Variants in CROCC2 observed in about 807,000 individuals in gnomAD.
The protein encoded by CROCC2 is ciliary rootlet coiled-coil protein 2.
A neutral mutation model predicts 177.6 loss-of-function variants in CROCC2; 163 were observed. The ratio of observed to expected loss-of-function variants is 0.92; its 90% CI spans 0.81 to 1.05. The LOEUF is 1.05. Among genes scored for constraint, CROCC2 ranks in the 50% least tolerant of loss-of-function variants. The pLI is 0.00. For missense variants in CROCC2, 1,929 were observed against 1,797.8 expected, an observed-to-expected ratio of 1.07 and a Z score of -1.32; for synonymous variants, 904 against 787.3, an observed-to-expected ratio of 1.15 and a Z score of -2.48.
chr2:240,913,869 G>C (rs557696184), intron 1 of CROCC2, among the ~76,000 whole-genome samples: 13 of 152,384 alleles, frequency 8.5e-5, no homozygotes, highest in African/African-American at 3.1e-4. Flanking sequence ...GGCGGGCCGG[G>C]CTGCGGAAGG....
intron 28 of CROCC2, chr2:240,983,552 G>C (rs933616053): frequency 7.8e-7 from 1 of 1,273,922 alleles, no homozygotes; most frequent in African/African-American, 1.6e-5. Flanking sequence ...GGGGGAGCTC[G>C]CGGCGCTGCG....
chr2:240,971,507 G>A (rs1301924100), intron 27 of CROCC2, among the ~76,000 whole-genome samples: 3 of 152,120 alleles, frequency 2.0e-5, no homozygotes, highest in African/African-American at 7.2e-5. Context: ...AGAAATGTGC[G>A]GATTCCCTGG....
chr2:240,942,994 T>C (rs987208569), intron 14 of CROCC2, among the ~76,000 whole-genome samples: 1 of 152,154 alleles, frequency 6.6e-6, no homozygotes, highest in Non-Finnish European at 1.5e-5. Flanking sequence ...AAAAAATACA[T>C]ACTTTTTCAA....
intron 1 of CROCC2, among the ~76,000 whole-genome samples, chr2:240,909,210 C>G (rs1209780760): frequency 5.2e-5 from 7 of 135,392 alleles, no homozygotes; most frequent in African/African-American, 2.1e-4. Flanking sequence ...GCTCTACCTC[C>G]TCCACCTGGG....
At chr2:240,914,085 G>A (rs550854674) in intron 1 of CROCC2, among the ~76,000 whole-genome samples, 2 of 152,266 alleles carry the variant, frequency 1.3e-5, no homozygotes, top group Admixed American at 6.5e-5. Context: ...CGGCCCGGAA[G>A]CTGCTTGGTT....
Position 240,931,035 on chromosome 2 carries a change from C to T in CROCC2, c.854C>T (p.Ala285Val). 1.4e-6 allele frequency: 1 copy of T among 716,712 alleles called. No individual in the cohort carries two copies. The highest frequency in any genetic ancestry group is 2.0e-5 in the Admixed American group (1 of 50,016). 44.4% of individuals were successfully genotyped at this position (716,712 alleles called of 1,614,324 possible). ...CTGCGGCTGTCGGCCAGCAGCACGG[C>T]CAGCACCCTGGGGCAGCAGCTTCGG... ...SNLRLSASST[A>V]STLGQQLRDK... The change falls in exon 7 of 32, where the codon GCC becomes GTC. Residue 285 changes from alanine to valine, a missense_variant. By Grantham distance (64) the Ala-to-Val change is moderately conservative. Around this residue, in one of 3 missense-constraint regions of CROCC2, gnomAD observed 1,397 missense variants for 1,239.9 expected, o/e 1.13. Coordinates refer to ENST00000690015, the MANE Select transcript of CROCC2 (RefSeq NM_001351305.2).
chr2:240,928,213 T>G (rs2059405553), intron 5 of CROCC2, among the ~76,000 whole-genome samples: 1 of 152,196 alleles, frequency 6.6e-6, no homozygotes, highest in Non-Finnish European at 1.5e-5. Context: ...TAGGAAGGGT[T>G]TTTATTTGTT....
intron 27 of CROCC2, among the ~76,000 whole-genome samples, chr2:240,970,587 G>T (rs2059713630): frequency 6.6e-6 from 1 of 152,214 alleles, no homozygotes; most frequent in African/African-American, 2.4e-5. Flanking sequence ...CAGGGGCCGA[G>T]GGTCTTGTCC....
At chr2:240,933,626 G>C in intron 10 of CROCC2, 44 bp from the exon 11 acceptor site, 4 of 1,537,836 alleles carry the variant, frequency 2.6e-6, no homozygotes, top group Non-Finnish European at 3.5e-6. Context: ...GGTGCACCTT[G>C]AATGTGTCCA....
chr2:240,959,609 G>A (rs73006099), intron 20 of CROCC2, 165 bp downstream of exon 20: 13 of 909,990 alleles, frequency 1.4e-5, no homozygotes, highest in Non-Finnish European at 1.9e-5. Flanking sequence ...AGCCATAGGG[G>A]CATGGGACAA....
At position 240,967,307 on chromosome 2, in the gene CROCC2, A is replaced by G. The variant is rs191402058; in HGVS notation, c.4147-38A>G. On this transcript the variant is annotated intron_variant, in intron 25 of 31. Coordinates refer to ENST00000690015, the MANE Select transcript of CROCC2 (RefSeq NM_001351305.2). Reference sequence around the variant, plus strand: ...AGACACCTTGGCCCTCCACCCGCCCATTGGACTGCCCCCGCTGACCTCAGT... The same window carrying G: ...AGACACCTTGGCCCTCCACCCGCCCGTTGGACTGCCCCCGCTGACCTCAGT... 8.1e-4 allele frequency: 516 copies of G among 637,468 alleles called. 4 individuals are homozygous for G. The East Asian group carries it at 0.013, about 16-fold the overall frequency. The allele number at this position is 637,468 out of a possible 1,614,324, so 39.5% of individuals were successfully genotyped here.
chr2:240,963,882 G>A, intron 21 of CROCC2, 109 bp downstream of exon 21: 3 of 1,194,228 alleles, frequency 2.5e-6, no homozygotes, highest in Non-Finnish European at 3.5e-6. Flanking sequence ...TGTTGACTTG[G>A]GCCCCACTGA....
intron 19 of CROCC2, 25 bp downstream of exon 19, chr2:240,955,997 G>A (rs552869255): frequency 3.5e-5 from 53 of 1,509,874 alleles, no homozygotes; most frequent in African/African-American, 1.7e-4. Flanking sequence ...GCCAGGCCAC[G>A]TGCACAGCCA....
rs1451786244 is a variant in CROCC2, at chr2:240,917,020, C to G, written c.79-1706C>G. ...CAGGGACTTCCCTCCCCCTCCCCCA[C>G]TGGGCTGCTGCTCCCAAGGGGGGCC... On this transcript the variant is annotated intron_variant, in intron 1 of 31. Transcript: ENST00000690015. This position sits in a 1 kb window ranked among gnomAD's most constrained non-coding sequence, Gnocchi z 4.9. 6.6e-6 allele frequency among the ~76,000 whole-genome samples: 1 copy of G among 152,164 alleles called. No homozygotes were observed. The highest frequency in any genetic ancestry group is 1.5e-5 in the Non-Finnish European group (1 of 68,014).
At chr2:240,916,103 T>G (rs561228809) in intron 1 of CROCC2, among the ~76,000 whole-genome samples, 1 of 152,172 alleles carries the variant, frequency 6.6e-6, no homozygotes, top group East Asian at 1.9e-4. Flanking sequence ...GGGAGGGGCC[T>G]GGGGAGTGGG....
chr2:240,934,585 C>A (rs2059455393), intron 12 of CROCC2, 110 bp downstream of exon 12: 2 of 1,175,516 alleles, frequency 1.7e-6, no homozygotes, highest in Non-Finnish European at 2.4e-6. Flanking sequence ...GGCCCCTCAG[C>A]CCATCACCAG....
At position 240,991,181 on chromosome 2, in the gene CROCC2, C is replaced by T; in HGVS notation, c.4864-15C>T. 6.5e-7 allele frequency: 1 copy of T among 1,533,736 alleles called. No individual in the cohort carries two copies. Among genetic ancestry groups the T allele is most frequent in the Non-Finnish European group, 8.8e-7 (1 of 1,137,346 alleles). On this transcript the variant is annotated splice_polypyrimidine_tract_variant and intron_variant, in intron 30 of 31. Coordinates refer to ENST00000690015, the MANE Select transcript of CROCC2 (RefSeq NM_001351305.2). The stretch of plus-strand genomic sequence containing the variant: ...CAGCCTGCCCACCTGACCTGAGCCA[C>T]TGTCCTGTCCCCAGGTGGCCAGCCT...
chr2:240,976,240 G>C (rs866421738), intron 27 of CROCC2, among the ~76,000 whole-genome samples: 6 of 105,606 alleles, frequency 5.7e-5, no homozygotes, highest in Non-Finnish European at 1.2e-4. Flanking sequence ...TCCCTGCTCA[G>C]TCTCTGGGGT....
At chr2:240,970,637 G>A (rs752448435) in intron 27 of CROCC2, among the ~76,000 whole-genome samples, 1 of 152,126 alleles carries the variant, frequency 6.6e-6, no homozygotes, top group Admixed American at 6.5e-5. Flanking sequence ...TGCGCCCTAG[G>A]AGCTAAGACT....
Sources: gnomAD v4.1 joint callset for allele counts (sites outside exome capture counted in the v4.1 genomes callset) on GRCh38, gnomAD v4.1.1 for gene constraint, gnomAD v4.1.1 regional missense constraint, Gnocchi (gnomAD v3.1) non-coding constraint, MANE v1.5 for transcripts, NCBI Gene and HGNC (gene_info 2026-07-23, HGNC 2026-07-21) for gene names.